The following TENM1 variants were observed in gnomAD, a reference collection of about 807,000 sequenced individuals.
TENM1 encodes teneurin-1.
A neutral mutation model predicts 174.8 loss-of-function variants in TENM1; 35 were observed. The observed-to-expected ratio is 0.20, with a 90% CI of 0.15 to 0.27. The LOEUF is 0.27. TENM1 is among the 10% of genes least tolerant of loss of function. The probability of loss-of-function intolerance (pLI) is 1.00; values close to 1 mark genes in which losing one functional copy is unlikely to be tolerated. For synonymous variants in TENM1, 781 were observed against 798.7 expected, an observed-to-expected ratio of 0.98 and a Z score of 0.37; for missense variants, 1,633 against 2,130.1, an observed-to-expected ratio of 0.77 and a Z score of 4.59.
At chrX:125,009,548 C>G in the TENM1 span, among the ~76,000 whole-genome samples, 3 of 111,536 alleles carry the variant, frequency 2.7e-5, no homozygotes, top group Admixed American at 2.8e-4. Context: ...CAGCATCATC[C>G]TGATACCAAA....
the TENM1 span, among the ~76,000 whole-genome samples, chrX:125,203,222 G>T: frequency 4.4e-5 from 5 of 112,978 alleles, no homozygotes; most frequent in African/African-American, 6.4e-5. Context: ...AAGCAAACAG[G>T]TACTAAAGTG....
chrX:124,586,436 C>T (rs1277648380), intron 11 of TENM1, among the ~76,000 whole-genome samples: 6 of 109,692 alleles, frequency 5.5e-5, no homozygotes, highest in South Asian at 7.9e-4. Flanking sequence ...AAGACAAAAA[C>T]CACATGATTA....
chrX:124,485,512 G>C (rs2046934693), intron 21 of TENM1, among the ~76,000 whole-genome samples: 1 of 111,595 alleles, frequency 9.0e-6, no homozygotes, highest in East Asian at 2.8e-4. Flanking sequence ...ACCCTTCTTT[G>C]AAACAACTAC....
At chrX:124,801,243 AG>A (rs1368531384) in intron 3 of TENM1, among the ~76,000 whole-genome samples, 1 of 111,595 alleles carries the variant, frequency 9.0e-6, no homozygotes, top group African/African-American at 3.3e-5. Context: ...GTCTCTTTGT[AG>A]GTCTCTAAGA....
At chrX:124,736,903 G>A in intron 4 of TENM1, 54 bp downstream of exon 7, 1 of 1,158,365 alleles carries the variant, frequency 8.6e-7, no homozygotes, top group Non-Finnish European at 1.2e-6. Context: ...GCAATCAGTA[G>A]AACCATCCTC....
chrX:124,995,086 G>A, the TENM1 span, among the ~76,000 whole-genome samples: 1 of 110,221 alleles, frequency 9.1e-6, no homozygotes, highest in Admixed American at 9.8e-5. Flanking sequence ...ACACCACAGG[G>A]CCTTTGTACA....
At chrX:124,956,104 C>T (rs1297093690) in intron 1 of TENM1, among the ~76,000 whole-genome samples, 1 of 111,891 alleles carries the variant, frequency 8.9e-6, no homozygotes, top group Non-Finnish European at 1.9e-5. Flanking sequence ...TGCATAAATG[C>T]TAGATATTTC....
At chrX:124,531,250 T>C (rs1165452610) in intron 15 of TENM1, among the ~76,000 whole-genome samples, 1 of 108,547 alleles carries the variant, frequency 9.2e-6, no homozygotes. Context: ...ATCCTAATCA[T>C]TTCATCCTGG....
the TENM1 span, among the ~76,000 whole-genome samples, chrX:125,201,328 A>G: frequency 1.7e-4 from 19 of 112,355 alleles, no homozygotes; most frequent in African/African-American, 6.1e-4. Context: ...TGTATAATAC[A>G]ATTTTATTTT....
intron 1 of TENM1, among the ~76,000 whole-genome samples, chrX:124,945,396 C>A (rs1411993738): frequency 2.7e-5 from 3 of 110,438 alleles, no homozygotes; most frequent in African/African-American, 9.9e-5. Context: ...AGGCTTTGGG[C>A]TTTAAGAGTA....
chrX:125,069,484 T>C, the TENM1 span, among the ~76,000 whole-genome samples: 1 of 111,853 alleles, frequency 8.9e-6, no homozygotes, highest in East Asian at 2.8e-4. Context: ...ATTTTTGATG[T>C]AATGATTCCT....
At chrX:124,669,548 A>C (rs2148431159) in intron 6 of TENM1, among the ~76,000 whole-genome samples, 1 of 110,704 alleles carries the variant, frequency 9.0e-6, no homozygotes, top group Admixed American at 9.7e-5. Context: ...ATTAGTATAC[A>C]TATGGCATTA....
chrX:124,914,163 A>T (rs2057883780), intron 1 of TENM1, among the ~76,000 whole-genome samples: 1 of 112,242 alleles, frequency 8.9e-6, no homozygotes, highest in African/African-American at 3.2e-5. Flanking sequence ...CGTTACAGGT[A>T]AAATGATCTC....
chrX:124,951,546 C>T (rs2058483779), intron 1 of TENM1, among the ~76,000 whole-genome samples: 1 of 106,119 alleles, frequency 9.4e-6, no homozygotes, highest in East Asian at 3.0e-4. Flanking sequence ...ACTTGGACTT[C>T]AGTTGTGTAA....
chrX:124,893,936 G>T (rs1009025402), intron 3 of TENM1, among the ~76,000 whole-genome samples: 5 of 111,492 alleles, frequency 4.5e-5, no homozygotes, highest in African/African-American at 1.6e-4. Context: ...ACTATACTGA[G>T]TTAATTATGA....
In TENM1 at chrX:124,470,645, A is replaced by T. The variant is rs898869873; in HGVS notation, c.3949+11087T>A. On this transcript the variant is annotated intron_variant, in intron 22 of 31. Transcript: ENST00000422452. Reference sequence around the variant, plus strand: ...CTCCTACTCTTTTTTAAAAAAAATAAATGTAATTTAAATATCTTTTACTAC... The same window carrying T: ...CTCCTACTCTTTTTTAAAAAAAATATATGTAATTTAAATATCTTTTACTAC... Among the ~76,000 whole-genome samples the T allele has an allele frequency of 5.4e-5, 6 of 111,289 alleles. No homozygotes were observed. In the Admixed American group the frequency reaches 5.8e-4, roughly 11 times the overall value.
chrX:124,837,289 A>C (rs1456757157), intron 3 of TENM1, among the ~76,000 whole-genome samples: 1 of 111,601 alleles, frequency 9.0e-6, no homozygotes, highest in Non-Finnish European at 1.9e-5. Flanking sequence ...GGGTTTCACC[A>C]AGTTGGTCAG....
At chrX:125,153,701 T>G in the TENM1 span, among the ~76,000 whole-genome samples, 1 of 112,230 alleles carries the variant, frequency 8.9e-6, no homozygotes, top group South Asian at 3.6e-4. Context: ...AAATTGGGTG[T>G]TAAACGTAAG....
chrX:124,558,386 T>G (rs1433601438), intron 14 of TENM1, among the ~76,000 whole-genome samples: 1 of 111,735 alleles, frequency 8.9e-6, no homozygotes, highest in Non-Finnish European at 1.9e-5. Flanking sequence ...AGCAAATGCT[T>G]GAAAGTGATT....
Sources: gnomAD v4.1 joint callset for allele counts (sites outside exome capture counted in the v4.1 genomes callset) on GRCh38, gnomAD v4.1.1 for gene constraint, MANE v1.5 for transcripts, NCBI Gene and HGNC (gene_info 2026-07-23, HGNC 2026-07-21) for gene names.